RALGDS: variants seen among roughly 807,000 people sequenced by gnomAD.
RALGDS encodes the protein ral guanine nucleotide exchange factor.
In RALGDS, 44 loss-of-function variants were observed where a neutral mutation model predicts 99.8. The ratio of observed to expected loss-of-function variants is 0.44; its 90% confidence interval spans 0.35 to 0.57. The LOEUF (loss-of-function observed/expected upper bound fraction) is 0.57, where lower values mean the gene tolerates loss of function less well. Ranked by LOEUF, RALGDS falls within the 20% of genes least tolerant of loss-of-function variation. The probability of loss-of-function intolerance (pLI) is 0.01; values close to 1 mark genes in which losing one functional copy is unlikely to be tolerated. For missense variants in RALGDS, 1,022 were observed against 1,203.1 expected, an observed-to-expected ratio of 0.85 and a Z score of 2.23; for synonymous variants, 529 against 505.0, an observed-to-expected ratio of 1.05 and a Z score of -0.64.
At chr9:133,123,991 C>G (rs13292214), upstream of RALGDS, among the ~76,000 whole-genome samples, 1 of 102,580 alleles carries the variant, frequency 9.7e-6, no homozygotes, top group Admixed American at 9.2e-5. Context: ...GACACAGACA[C>G]ACACACACAC....
chr9:133,117,915 G>A (rs953598188), intron 1 of RALGDS, among the ~76,000 whole-genome samples: 2 of 152,220 alleles, frequency 1.3e-5, no homozygotes, highest in African/African-American at 4.8e-5. Context: ...CATTGGCAAC[G>A]CAGACAGGTC....
upstream of RALGDS, among the ~76,000 whole-genome samples, chr9:133,131,886 G>A (rs1259119703): frequency 3.9e-5 from 6 of 152,252 alleles, no homozygotes; most frequent in South Asian, 2.1e-4. Flanking sequence ...GATTCCACAA[G>A]AACTCAGCAT....
At chr9:133,129,491 C>T in intron 1 of RALGDS, 1 of 1,361,962 alleles carries the variant, frequency 7.3e-7, no homozygotes, top group Non-Finnish European at 9.5e-7. Flanking sequence ...CCGCTTGTAC[C>T]AGGCCATGGG....
intron 1 of RALGDS, among the ~76,000 whole-genome samples, chr9:133,142,163 G>T (rs1282617456): frequency 6.6e-6 from 1 of 152,208 alleles, no homozygotes; most frequent in African/African-American, 2.4e-5. Flanking sequence ...GGGGAGGGGG[G>T]AGTGGACTGG....
rs189075018 is a variant in RALGDS at position 133,129,293 on chromosome 9, C to G, written c.132+1659G>C. The G allele has an allele frequency of 3.0e-4, 476 of 1,591,906 alleles. 1 individual carries two copies. The African/African-American group carries it at 5.8e-3, about 19-fold the overall frequency. On this transcript the variant is annotated intron_variant, in intron 1 of 17. Coordinates refer to the RALGDS transcript ENST00000372062. ...CCCCCTGGGCACGGCAGGCCTGGCA[C>G]AAACCTGGCCTGCTTCCCGGGCCAT...
upstream of RALGDS, among the ~76,000 whole-genome samples, chr9:133,125,313 G>A (rs571949513): frequency 1.4e-4 from 21 of 152,312 alleles, no homozygotes; most frequent in Middle Eastern, 3.4e-3. Flanking sequence ...CTCCAGGGGC[G>A]GGCAGGGAGT....
upstream of RALGDS, among the ~76,000 whole-genome samples, chr9:133,123,191 C>T (rs1202114376): frequency 6.6e-6 from 1 of 152,158 alleles, no homozygotes; most frequent in Admixed American, 6.5e-5. Flanking sequence ...GCCCTAAGCT[C>T]CTCCTCCCAT....
chr9:133,101,203 C>T (rs1458164365), intron 16 of RALGDS: 2 of 1,238,636 alleles, frequency 1.6e-6, no homozygotes, highest in Non-Finnish European at 2.1e-6. Context: ...TCCTGTCTTC[C>T]TCCCCGAGAA....
intron 2 of RALGDS, 145 bp from the exon 3 acceptor site, chr9:133,110,634 T>C (rs1473618429): frequency 3.8e-6 from 3 of 779,250 alleles, no homozygotes; most frequent in African/African-American, 1.7e-5. Flanking sequence ...GCTTTAAAAG[T>C]AGAATTTCAG....
At chr9:133,121,305 G>T, upstream of RALGDS, 1 of 811,978 alleles carries the variant, frequency 1.2e-6, no homozygotes, top group Non-Finnish European at 1.5e-6. Flanking sequence ...GAAGAGGGTG[G>T]GGCCGGGGAG....
intron 6 of RALGDS, 119 bp downstream of exon 6, chr9:133,107,869 A>G (rs1831150024): frequency 7.6e-7 from 1 of 1,311,340 alleles, no homozygotes; most frequent in South Asian, 1.2e-5. Flanking sequence ...CTTGGTGTGT[A>G]GCAGCAGAGC....
intron 1 of RALGDS, chr9:133,129,436 C>CGT (rs1832267457): frequency 7.1e-7 from 1 of 1,400,748 alleles, no homozygotes. Flanking sequence ...GTGTCACCCG[C>CGT]GTGGCTGTCA....
chr9:133,111,163 C>T lies in RALGDS; in HGVS notation c.295-674G>A, dbSNP rs139563296. ...TCCGTTGTTAGCTGAGTAATGGTAGCTGCCCTGTGGGAAGAGCGTCATCTG... is the reference window on the plus strand; with the variant it reads ...TCCGTTGTTAGCTGAGTAATGGTAGTTGCCCTGTGGGAAGAGCGTCATCTG... On this transcript the variant is annotated intron_variant, in intron 2 of 17. Transcript: ENST00000372050. 3.1e-3 allele frequency among the ~76,000 whole-genome samples: 475 copies of T among 152,318 alleles called. 2 individuals are homozygous for T. Among genetic ancestry groups the T allele is most frequent in the African/African-American group, 9.6e-3 (400 of 41,570 alleles).
Position 133,108,813 on chromosome 9 carries a change from C to A in RALGDS, c.638G>T (p.Cys213Phe). The A allele has an allele frequency of 3.1e-6, 5 of 1,613,366 alleles. No individual in the cohort carries two copies. The highest frequency in any genetic ancestry group is 4.2e-6 in the Non-Finnish European group (5 of 1,179,988). ...GAGGCAGGGAAAGTCCGGAGGTTGA[C>A]AGAAATCCTCCGAGTACTGGTCCAG... is the stretch of plus-strand genomic sequence containing the variant. Reference protein sequence around the residue: ...TWLDQYSEDFCQPPDFPCLKQ... With the variant: ...TWLDQYSEDFFQPPDFPCLKQ... Residue 213 changes from cysteine (C) to phenylalanine (F), a missense_variant, in exon 5 of 18, where the codon TGT becomes TTT. By Grantham distance (205) the Cys-to-Phe change is radical. This residue lies in a region of RALGDS where 825 missense variants were observed against 994.5 expected (regional missense o/e 0.83). Coordinates refer to ENST00000372050, the MANE Select transcript of RALGDS (RefSeq NM_006266.4).
intron 1 of RALGDS, among the ~76,000 whole-genome samples, chr9:133,120,154 G>C (rs1831847011): frequency 6.6e-6 from 1 of 152,156 alleles, no homozygotes; most frequent in South Asian, 2.1e-4. Context: ...GTCAGCAGCA[G>C]TCAGGTGGGA....
rs191864647 is a variant in RALGDS at position 133,113,420 on chromosome 9, G to C, written c.184-1268C>G. On this transcript the variant is annotated intron_variant, in intron 1 of 17. Coordinates refer to ENST00000372050, the MANE Select transcript of RALGDS (RefSeq NM_006266.4). ...AGTCCACTTCCTCCGACCTGAGGTCGCCTCCCACGCTGGGCTTTGTACAAC... is the reference window on the plus strand; with the variant it reads ...AGTCCACTTCCTCCGACCTGAGGTCCCCTCCCACGCTGGGCTTTGTACAAC... Among the ~76,000 whole-genome samples the C allele has an allele frequency of 2.6e-5, 4 of 152,272 alleles. No individual in the cohort carries two copies. The South Asian group carries it at 8.3e-4, about 32-fold the overall frequency.
At position 133,144,703 on chromosome 9, in the gene RALGDS, G is replaced by T. The variant is rs1306248669; in HGVS notation, c.18+4260C>A. On this transcript the variant is annotated intron_variant, in intron 1 of 17. Coordinates refer to the RALGDS transcript ENST00000393160. This position sits in a 1 kb window ranked among gnomAD's most constrained non-coding sequence, Gnocchi z 4.5. The stretch of plus-strand genomic sequence containing the variant: ...GGGCTGGGTTCCTGCGATGTCTTCC[G>T]ACTCCCCGCTGCTCCCCTAGTCCCC... Among the ~76,000 whole-genome samples, 1 of 152,204 alleles carries T rather than the reference G, an allele frequency of 6.6e-6. No homozygotes were observed. The highest frequency in any genetic ancestry group is 1.5e-5 in the Non-Finnish European group (1 of 68,020).
chr9:133,148,159 C>CACGT (rs1832656293), intron 1 of RALGDS, among the ~76,000 whole-genome samples: 1 of 152,240 alleles, frequency 6.6e-6, no homozygotes, highest in Non-Finnish European at 1.5e-5. Flanking sequence ...GGCCGACAGA[C>CACGT]ACGTCTACGA....
At chr9:133,112,010 C>T (rs1186243501) in intron 2 of RALGDS, 32 bp downstream of exon 2, 8 of 1,465,616 alleles carry the variant, frequency 5.5e-6, no homozygotes, top group Admixed American at 1.9e-5. Flanking sequence ...TCCCCAGCTG[C>T]GTCTCCCAGT....
Sources: allele counts gnomAD v4.1 joint callset (sites outside exome capture counted in the v4.1 genomes callset), GRCh38; gene constraint gnomAD v4.1.1; regional missense constraint gnomAD v4.1.1; non-coding constraint Gnocchi (gnomAD v3.1); transcripts MANE v1.5; gene names NCBI Gene and HGNC (gene_info 2026-07-23, HGNC 2026-07-21).